C12orf42: variants seen among roughly 807,000 people sequenced by gnomAD.
The protein encoded by C12orf42 is uncharacterized protein C12orf42.
A neutral mutation model predicts 21.6 loss-of-function variants in C12orf42; 25 were observed. That is an observed-to-expected ratio of 1.16 (90% CI 0.84 to 1.62). The LOEUF is 1.62. C12orf42 is among the 40% of genes most tolerant of loss of function. The pLI, the probability that C12orf42 is intolerant of heterozygous loss-of-function variation, is 0.00. For missense variants in C12orf42, 483 were observed against 459.3 expected, an observed-to-expected ratio of 1.05 and a Z score of -0.47; for synonymous variants, 174 against 175.0, an observed-to-expected ratio of 0.99 and a Z score of 0.05.
At chr12:103,441,486 G>T (rs1951240298) in intron 2 of C12orf42, 1 of 151,982 alleles carries the variant, frequency 6.6e-6, no homozygotes, top group South Asian at 2.1e-4. Context: ...GCCCACCATG[G>T]GTATTTTTCC....
At chr12:103,314,482 T>C (rs1195130006) in intron 4 of C12orf42, among the ~76,000 whole-genome samples, 1 of 152,110 alleles carries the variant, frequency 6.6e-6, no homozygotes, top group Admixed American at 6.5e-5. Flanking sequence ...TGATGAGCTG[T>C]AGGAGGCTAG....
At chr12:103,203,977 C>T in the C12orf42 span, among the ~76,000 whole-genome samples, 7 of 152,162 alleles carry the variant, frequency 4.6e-5, no homozygotes, top group South Asian at 2.1e-4. Context: ...TTACTTTCCC[C>T]TATAAGCTCC....
intron 4 of C12orf42, among the ~76,000 whole-genome samples, chr12:103,352,665 C>T (rs1374093330): frequency 6.6e-6 from 1 of 152,034 alleles, no homozygotes; most frequent in Non-Finnish European, 1.5e-5. Context: ...CACAATTAAA[C>T]AGGCTTAAAC....
chr12:103,187,400 G>T, the C12orf42 span, among the ~76,000 whole-genome samples: 1 of 152,114 alleles, frequency 6.6e-6, no homozygotes, highest in Non-Finnish European at 1.5e-5. Flanking sequence ...TCAAATACAG[G>T]CTGTCTGGCC....
intron 3 of C12orf42, among the ~76,000 whole-genome samples, chr12:103,383,828 T>C (rs560811946): frequency 3.9e-5 from 6 of 152,298 alleles, no homozygotes; most frequent in Non-Finnish European, 8.8e-5. Context: ...AATGAGATAA[T>C]ACCAATAAGG....
At chr12:103,436,300 C>T (rs1950706042) in intron 2 of C12orf42, among the ~76,000 whole-genome samples, 1 of 151,548 alleles carries the variant, frequency 6.6e-6, no homozygotes, top group Admixed American at 6.6e-5. Context: ...CAAAATCATG[C>T]CAAAATGTAA....
At chr12:103,129,101 T>A in the C12orf42 span, among the ~76,000 whole-genome samples, 5 of 152,150 alleles carry the variant, frequency 3.3e-5, no homozygotes, top group African/African-American at 1.2e-4. Context: ...AACCACTCTA[T>A]CTTTGATCTT....
the C12orf42 span, among the ~76,000 whole-genome samples, chr12:103,167,879 CGTGTGTGTGT>C: frequency 8.9e-5 from 12 of 134,098 alleles, no homozygotes; most frequent in South Asian, 2.5e-4. Flanking sequence ...GAGGGGTGGG[CGTGTGTGTGT>C]GTGTGTGTGT....
rs1954841638 is a variant in C12orf42 at position 103,486,481 on chromosome 12, A to T, written c.-21-8034T>A. Among the ~76,000 whole-genome samples the T allele has an allele frequency of 1.3e-5, 2 of 152,006 alleles. 1 individual carries two copies. The highest frequency in any genetic ancestry group is 4.2e-4 in the South Asian group (2 of 4,816). The stretch of plus-strand genomic sequence containing the variant: ...GGGATAATGCTGGCCTCATAAAATG[A>T]GTTAGGGAGGATTCCCTCTTTTTCT... On this transcript the variant is annotated intron_variant, in intron 1 of 5. Coordinates refer to ENST00000548883, the MANE Select transcript of C12orf42 (RefSeq NM_198521.5).
chr12:103,112,254 C>CATTT, the C12orf42 span, among the ~76,000 whole-genome samples: 3 of 152,174 alleles, frequency 2.0e-5, no homozygotes, highest in Non-Finnish European at 2.9e-5. Flanking sequence ...CGTTATGAGG[C>CATTT]ATTTAGCTTA....
chr12:103,379,390 C>T (rs2045973969), intron 3 of C12orf42, among the ~76,000 whole-genome samples: 1 of 152,038 alleles, frequency 6.6e-6, no homozygotes, highest in Admixed American at 6.6e-5. Flanking sequence ...ATTGAAGATG[C>T]ATATGGATAC....
At chr12:103,476,326 T>A (rs1371121182) in intron 2 of C12orf42, among the ~76,000 whole-genome samples, 1 of 152,184 alleles carries the variant, frequency 6.6e-6, no homozygotes, top group Non-Finnish European at 1.5e-5. Flanking sequence ...CCCTGATCCA[T>A]TCCCTCTGTC....
At chr12:103,233,380 T>TCCCAATC (rs2033366228), downstream of C12orf42, among the ~76,000 whole-genome samples, 1 of 152,206 alleles carries the variant, frequency 6.6e-6, no homozygotes, top group Admixed American at 6.5e-5. Flanking sequence ...GGATTTTGAT[T>TCCCAATC]GGGAATGCAC....
intron 10 of C12orf42, among the ~76,000 whole-genome samples, chr12:103,261,434 A>G (rs2034892640): frequency 6.7e-6 from 1 of 150,236 alleles, no homozygotes; most frequent in African/African-American, 2.5e-5. Context: ...GTGAGCCGAG[A>G]TCGTGCCACT....
At chr12:103,136,176 G>T in the C12orf42 span, among the ~76,000 whole-genome samples, 952 of 152,150 alleles carry the variant, frequency 6.3e-3, 12 homozygotes, top group African/African-American at 0.022. Context: ...AACCTCTTAG[G>T]TCTGATAATA....
the C12orf42 span, among the ~76,000 whole-genome samples, chr12:103,069,593 T>C: frequency 5.3e-5 from 8 of 152,208 alleles, no homozygotes; most frequent in African/African-American, 1.2e-4. Flanking sequence ...AATTGAAGTA[T>C]GGTTTCTACT....
At chr12:103,248,008 A>C (rs1171613375) in intron 10 of C12orf42, among the ~76,000 whole-genome samples, 1 of 151,960 alleles carries the variant, frequency 6.6e-6, no homozygotes, top group Non-Finnish European at 1.5e-5. Context: ...TAAGTAATAC[A>C]CCCAAAGTCA....
chr12:103,316,261 C>T (rs2039487041), intron 4 of C12orf42, among the ~76,000 whole-genome samples: 1 of 151,756 alleles, frequency 6.6e-6, no homozygotes, highest in Admixed American at 6.6e-5. Flanking sequence ...GTAGACTTCT[C>T]ATCAGAAATC....
In C12orf42 at chr12:103,302,160, G is replaced by A. The variant is rs779166148; in HGVS notation, c.1031C>T (p.Thr344Met). 2.0e-6 allele frequency: 3 copies of A among 1,534,686 alleles called. No individual in the cohort carries two copies. The highest frequency in any genetic ancestry group is 1.4e-5 in the African/African-American group (1 of 73,176). The change falls in exon 6 of 6, where the codon ACG becomes ATG. Residue 344 changes from threonine (T) to methionine (M), a missense_variant. Transcript: ENST00000548883. Reference protein sequence around the residue: ...APPRPTRRFHTVCSQALSRPV... With the variant: ...APPRPTRRFHMVCSQALSRPV... ...CCTAGAAAGGGCCTGTGAACAAACCGTATGGAAACGCCGGGTTGGGCGGGG... is the reference window on the plus strand; with the variant it reads ...CCTAGAAAGGGCCTGTGAACAAACCATATGGAAACGCCGGGTTGGGCGGGG...
Sources: gnomAD v4.1 joint callset for allele counts (sites outside exome capture counted in the v4.1 genomes callset) on GRCh38, gnomAD v4.1.1 for gene constraint, MANE v1.5 for transcripts, NCBI Gene and HGNC (gene_info 2026-07-23, HGNC 2026-07-21) for gene names.